ADGRV1: variants seen among roughly 807,000 people sequenced by gnomAD.
ADGRV1 encodes G-protein coupled receptor 98.
In ADGRV1, 359 loss-of-function variants were observed where a neutral mutation model predicts 596.2. The ratio of observed to expected loss-of-function variants is 0.60; its 90% CI spans 0.55 to 0.66. The LOEUF (loss-of-function observed/expected upper bound fraction) is 0.66. Among genes scored for constraint, ADGRV1 ranks in the 30% least tolerant of loss-of-function variants. The probability of loss-of-function intolerance (pLI) is 0.00; values close to 1 mark genes in which losing one functional copy is unlikely to be tolerated. For missense variants in ADGRV1, 7,274 were observed against 7,575.6 expected (o/e 0.96, Z 1.48); for synonymous variants, 2,681 against 2,679.2 (o/e 1.00, Z -0.02).
chr5:91,110,856 T>C (rs1374319353), intron 87 of ADGRV1, among the ~76,000 whole-genome samples: 1 of 151,942 alleles, frequency 6.6e-6, no homozygotes, highest in Non-Finnish European at 1.5e-5. Context: ...GAGACTGCAT[T>C]CTCCAGAGTA....
intron 1 of ADGRV1, among the ~76,000 whole-genome samples, chr5:90,592,378 G>A (rs148003868): frequency 6.6e-6 from 1 of 152,190 alleles, no homozygotes; most frequent in South Asian, 2.1e-4. Flanking sequence ...ACCAAACATT[G>A]TATGTTCTCA....
At chr5:91,014,106 T>C (rs1198582831) in intron 85 of ADGRV1, among the ~76,000 whole-genome samples, 1 of 121,736 alleles carries the variant, frequency 8.2e-6, no homozygotes, top group Non-Finnish European at 1.7e-5. Context: ...TTGCTTACTG[T>C]AGCCTCATAG....
At chr5:90,696,485 TC>T (rs1463680593) in intron 33 of ADGRV1, among the ~76,000 whole-genome samples, 2 of 152,268 alleles carry the variant, frequency 1.3e-5, no homozygotes, top group East Asian at 3.9e-4. Flanking sequence ...CCCTAAGTGT[TC>T]CTGGTTTTTC....
At chr5:91,106,545 G>A (rs1791890923) in intron 87 of ADGRV1, among the ~76,000 whole-genome samples, 1 of 152,224 alleles carries the variant, frequency 6.6e-6, no homozygotes, top group Non-Finnish European at 1.5e-5. Context: ...CATCAACTCT[G>A]TAGATTGCTT....
chr5:91,017,919 A>C (rs1489462793), intron 85 of ADGRV1, among the ~76,000 whole-genome samples: 1 of 151,942 alleles, frequency 6.6e-6, no homozygotes, highest in Non-Finnish European at 1.5e-5. Flanking sequence ...ATCAGTCAAC[A>C]TAACTAAATT....
chr5:91,021,596 T>C (rs756019519), intron 85 of ADGRV1, among the ~76,000 whole-genome samples: 3 of 152,086 alleles, frequency 2.0e-5, no homozygotes, highest in Non-Finnish European at 4.4e-5. Flanking sequence ...CTGTGTGAAA[T>C]AGTCCTGTCC....
intron 83 of ADGRV1, among the ~76,000 whole-genome samples, chr5:90,913,367 A>G (rs1016602565): frequency 2.6e-5 from 4 of 152,208 alleles, no homozygotes; most frequent in Non-Finnish European, 5.9e-5. Context: ...ACTTTTTACT[A>G]TAATTATCCT....
In ADGRV1 at chr5:91,150,052, AT is replaced by A; in HGVS notation, c.18458del (p.Phe6153SerfsTer11). 1 of 1,329,494 alleles carries A rather than the reference AT, an allele frequency of 7.5e-7. No individual in the cohort carries two copies. Among genetic ancestry groups the A allele is most frequent in the Non-Finnish European group, 9.7e-7 (1 of 1,034,550 alleles). The allele number at this position is 1,329,494 out of a possible 1,614,324, so 82.4% of individuals were successfully genotyped here. Reference sequence around the variant, plus strand: ...CAGGGACTTTATGTTTTCATGGTTTATTTCATTTTACACAACCAAATGTGTT... The same window carrying A: ...CAGGGACTTTATGTTTTCATGGTTTATTCATTTTACACAACCAAATGTGTT... Reference protein sequence around the residue: ...SLQGLYVFMVYFILHNQMCCP... With the variant: ...SLQGLYVFMVXFILHNQMCCP... On this transcript the variant is annotated frameshift_variant, in exon 88 of 90. Coordinates refer to ENST00000405460, the MANE Select transcript of ADGRV1 (RefSeq NM_032119.4). LOFTEE classifies it high-confidence loss of function.
intron 1 of ADGRV1, among the ~76,000 whole-genome samples, chr5:90,593,584 G>C (rs1759824522): frequency 6.6e-6 from 1 of 152,104 alleles, no homozygotes; most frequent in African/African-American, 2.4e-5. Flanking sequence ...ATGTACCCTA[G>C]AACTTAAAGT....
At chr5:91,098,387 G>A (rs1791065903) in intron 86 of ADGRV1, among the ~76,000 whole-genome samples, 1 of 151,790 alleles carries the variant, frequency 6.6e-6, no homozygotes. Context: ...TAAAGCTAAC[G>A]TAGCTTAAGT....
chr5:90,680,759 A>G (rs1376176392), intron 26 of ADGRV1, among the ~76,000 whole-genome samples: 2 of 152,228 alleles, frequency 1.3e-5, no homozygotes, highest in East Asian at 3.9e-4. Flanking sequence ...ATTTGAACAT[A>G]CTTTTTAGGA....
chr5:90,740,826 T>A (rs1753865250), intron 50 of ADGRV1, among the ~76,000 whole-genome samples: 1 of 152,158 alleles, frequency 6.6e-6, no homozygotes, highest in African/African-American at 2.4e-5. Context: ...AAACCCACAG[T>A]TCCCGGGGAA....
chr5:90,627,186 G>T, intron 6 of ADGRV1, 25 bp from the exon 7 acceptor site: 3 of 1,338,494 alleles, frequency 2.2e-6, no homozygotes, highest in Non-Finnish European at 3.0e-6. Context: ...TTGATGTTTT[G>T]CCTCTGTTTA....
intron 20 of ADGRV1, 91 bp from the exon 21 acceptor site, chr5:90,657,814 A>G: frequency 1.5e-6 from 2 of 1,320,412 alleles, no homozygotes; most frequent in Non-Finnish European, 2.0e-6. Flanking sequence ...AATATCTTTC[A>G]GTAAAATTGT....
intron 57 of ADGRV1, among the ~76,000 whole-genome samples, chr5:90,758,243 G>T (rs1756054953): frequency 6.6e-6 from 1 of 152,156 alleles, no homozygotes; most frequent in Non-Finnish European, 1.5e-5. Context: ...TGAGGCAGGA[G>T]AATGGCGTGA....
At chr5:91,017,562 C>T (rs976310513) in intron 85 of ADGRV1, among the ~76,000 whole-genome samples, 1 of 151,866 alleles carries the variant, frequency 6.6e-6, no homozygotes, top group Non-Finnish European at 1.5e-5. Context: ...ATTACATGCT[C>T]TTTGGAACTC....
At chr5:90,917,172 C>T (rs1773458898) in intron 83 of ADGRV1, among the ~76,000 whole-genome samples, 1 of 152,058 alleles carries the variant, frequency 6.6e-6, no homozygotes, top group Non-Finnish European at 1.5e-5. Context: ...CTTGTTTCAC[C>T]ACAACTTTCC....
Position 90,628,787 on chromosome 5 carries a change from G to A in ADGRV1, c.1464G>A (p.Leu488=), listed in dbSNP as rs397517422. 6.2e-6 allele frequency: 10 copies of A among 1,613,970 alleles called. No homozygotes were observed. In the South Asian group the frequency reaches 6.6e-5, roughly 11 times the overall value. The change falls in exon 8 of 90, where the codon CTG becomes CTA. Residue 488 remains leucine (L), a synonymous_variant. Transcript: ENST00000405460. ...EEAEAYLLQI[L]PHTIRGGAEV... is the part of the protein sequence containing the mutation. ...CAGAAGCTTATCTACTTCAAATTCT[G>A]CCTCATACAATACGAGGAGGTGCAG...
intron 83 of ADGRV1, among the ~76,000 whole-genome samples, chr5:90,944,948 A>G (rs1355192222): frequency 1.3e-5 from 2 of 152,192 alleles, no homozygotes; most frequent in Non-Finnish European, 2.9e-5. Flanking sequence ...TTAAAATTAA[A>G]TTCCAAAATT....
Sources: gnomAD v4.1 joint callset for allele counts (sites outside exome capture counted in the v4.1 genomes callset) on GRCh38, gnomAD v4.1.1 for gene constraint, MANE v1.5 for transcripts, NCBI Gene and HGNC (gene_info 2026-07-23, HGNC 2026-07-21) for gene names.